CDK14: variants seen among roughly 807,000 people sequenced by gnomAD.
CDK14 encodes the protein cyclin-dependent kinase 14.
CDK14 carries 34 observed loss-of-function variants against 60.7 expected under a neutral mutation model. That is an observed-to-expected ratio of 0.56 (90% CI 0.43 to 0.75). The LOEUF is 0.75. Ranked by LOEUF, CDK14 falls within the 30% of genes least tolerant of loss-of-function variation. The pLI is 0.00. For missense variants in CDK14, 482 were observed against 564.1 expected (o/e 0.85, Z 1.47); for synonymous variants, 197 against 203.7 (o/e 0.97, Z 0.28).
chr7:91,018,617 CAGG>C (rs1213674071), intron 10 of CDK14, among the ~76,000 whole-genome samples: 1 of 152,090 alleles, frequency 6.6e-6, no homozygotes, highest in East Asian at 1.9e-4. Context: ...AGGGGCCTGG[CAGG>C]AGGTGATTGG....
intron 10 of CDK14, among the ~76,000 whole-genome samples, chr7:91,025,725 C>T (rs1796550061): frequency 6.6e-6 from 1 of 152,190 alleles, no homozygotes; most frequent in Admixed American, 6.5e-5. Flanking sequence ...TCTGAGGCAA[C>T]TGCCTGTGCA....
chr7:90,946,352 G>A (rs1794098896), intron 8 of CDK14, among the ~76,000 whole-genome samples: 1 of 152,092 alleles, frequency 6.6e-6, no homozygotes, highest in Admixed American at 6.6e-5. Context: ...ATTGTCACCA[G>A]GTGTCACAAA....
chr7:90,704,093 A>G (rs529859942), intron 2 of CDK14, among the ~76,000 whole-genome samples: 2 of 152,308 alleles, frequency 1.3e-5, no homozygotes, highest in South Asian at 4.1e-4. Context: ...ACCCTGTCTC[A>G]AAAAGAAAGC....
chr7:90,635,209 A>G (rs1042495064), intron 2 of CDK14, among the ~76,000 whole-genome samples: 61 of 152,296 alleles, frequency 4.0e-4, no homozygotes, highest in African/African-American at 1.3e-3. Flanking sequence ...GTCCTTGCCC[A>G]TGCCTATGTC....
chr7:90,686,638 TG>T (rs1191747798), intron 2 of CDK14, among the ~76,000 whole-genome samples: 37 of 152,312 alleles, frequency 2.4e-4, no homozygotes, highest in Non-Finnish European at 4.6e-4. Flanking sequence ...TCATGAGTAC[TG>T]GCAAATGTTG....
intron 9 of CDK14, among the ~76,000 whole-genome samples, chr7:90,956,265 C>A (rs1025905000): frequency 6.6e-6 from 1 of 152,156 alleles, no homozygotes; most frequent in African/African-American, 2.4e-5. Context: ...AAACTTCTGA[C>A]ACTAGTTATC....
chr7:91,007,204 A>C (rs1345528601), intron 10 of CDK14, among the ~76,000 whole-genome samples: 1 of 152,148 alleles, frequency 6.6e-6, no homozygotes, highest in East Asian at 1.9e-4. Flanking sequence ...CTGACTCTCC[A>C]CTAGAAGCTG....
intron 2 of CDK14, among the ~76,000 whole-genome samples, chr7:90,676,014 A>G (rs572528277): frequency 1.2e-4 from 18 of 152,320 alleles, no homozygotes; most frequent in Admixed American, 2.6e-4. Context: ...CATCCTAAGA[A>G]TAATCATTAT....
intron 10 of CDK14, among the ~76,000 whole-genome samples, chr7:91,039,346 G>A (rs1026434798): frequency 3.1e-4 from 47 of 152,266 alleles, no homozygotes; most frequent in African/African-American, 1.1e-3. Context: ...CATAGGAAAG[G>A]GGTGGTCATG....
At chr7:90,722,629 T>TTC (rs10692907) in intron 2 of CDK14, among the ~76,000 whole-genome samples, 2 of 151,830 alleles carry the variant, frequency 1.3e-5, no homozygotes, top group Non-Finnish European at 2.9e-5. Flanking sequence ...ATTTTTTTTT[T>TTC]CTCAAAAATT....
chr7:91,034,734 G>A (rs1173880582), intron 10 of CDK14, among the ~76,000 whole-genome samples: 5 of 151,974 alleles, frequency 3.3e-5, no homozygotes, highest in Non-Finnish European at 1.5e-5. Context: ...CTGCTGCTCC[G>A]CAAAACACAA....
intron 2 of CDK14, among the ~76,000 whole-genome samples, chr7:90,614,563 CTTCT>C (rs1300397030): frequency 6.6e-6 from 1 of 151,474 alleles, no homozygotes; most frequent in Non-Finnish European, 1.5e-5. Flanking sequence ...TTAAGTTTTC[CTTCT>C]TTCTTAGCAA....
chr7:90,958,872 C>T (rs1036259242), intron 9 of CDK14, among the ~76,000 whole-genome samples: 2 of 152,026 alleles, frequency 1.3e-5, no homozygotes, highest in African/African-American at 2.4e-5. Flanking sequence ...CTTGGTAGTT[C>T]AGTTAAGATT....
chr7:91,110,625 T>A (rs1319359851), intron 12 of CDK14, among the ~76,000 whole-genome samples: 2 of 152,226 alleles, frequency 1.3e-5, no homozygotes, highest in African/African-American at 4.8e-5. Flanking sequence ...ATCACCTTTC[T>A]CTTCTTGTAT....
intron 8 of CDK14, among the ~76,000 whole-genome samples, chr7:90,929,367 T>G (rs1295737915): frequency 6.6e-6 from 1 of 152,244 alleles, no homozygotes; most frequent in Non-Finnish European, 1.5e-5. Flanking sequence ...TTAAATGGAC[T>G]GATTTTTAAA....
intron 10 of CDK14, among the ~76,000 whole-genome samples, chr7:91,039,954 G>A (rs1320690253): frequency 1.3e-5 from 2 of 152,122 alleles, no homozygotes; most frequent in Non-Finnish European, 2.9e-5. Flanking sequence ...GAATAGGGTG[G>A]AGTGTGCCTG....
chr7:91,126,826 G>A (rs1471374608), intron 14 of CDK14, among the ~76,000 whole-genome samples: 3 of 151,970 alleles, frequency 2.0e-5, no homozygotes, highest in East Asian at 1.9e-4. Context: ...TCTCTCACTC[G>A]CTTTTCTTTT....
chr7:90,840,385 CTTTTAG>C (rs1790250273), intron 5 of CDK14, among the ~76,000 whole-genome samples: 2 of 152,104 alleles, frequency 1.3e-5, no homozygotes, highest in Admixed American at 6.5e-5. Context: ...TATAAGAAGG[CTTTTAG>C]TTTTCTTTAA....
intron 11 of CDK14, among the ~76,000 whole-genome samples, chr7:91,057,837 C>T (rs372068534): frequency 5.9e-5 from 9 of 152,138 alleles, no homozygotes; most frequent in East Asian, 3.9e-4. Flanking sequence ...AGTCAGGTAG[C>T]GTGATGCCTC....
Sources: allele counts gnomAD v4.1 joint callset (sites outside exome capture counted in the v4.1 genomes callset), GRCh38; gene constraint gnomAD v4.1.1; transcripts MANE v1.5; gene names NCBI Gene and HGNC (gene_info 2026-07-23, HGNC 2026-07-21).